The following DNAJC12 variants were observed in gnomAD, a reference collection of about 807,000 sequenced individuals.
The protein encoded by DNAJC12 is DnaJ heat shock protein family (Hsp40) member C12, also known as dnaJ homolog subfamily C member 12.
In DNAJC12, 25 loss-of-function variants were observed where a neutral mutation model predicts 28.5. The ratio of observed to expected loss-of-function variants is 0.88; its 90% confidence interval spans 0.64 to 1.22. DNAJC12 has a LOEUF of 1.22. Ranked by LOEUF, DNAJC12 falls within the 50% of genes most tolerant of loss-of-function variation. The probability of loss-of-function intolerance (pLI) is 0.00; values close to 1 mark genes in which losing one functional copy is unlikely to be tolerated. For synonymous variants in DNAJC12, 77 were observed against 80.6 expected, an observed-to-expected ratio of 0.95 and a Z score of 0.24; for missense variants, 222 against 231.7, an observed-to-expected ratio of 0.96 and a Z score of 0.27.
chr10:67,823,163 C>T (rs1841996679), intron 2 of DNAJC12, 151 bp downstream of exon 2: 2 of 637,480 alleles, frequency 3.1e-6, no homozygotes. Context: ...CTGCACAGCC[C>T]TCTCCCTTTC....
rs1206734292 is a variant in DNAJC12 at position 67,811,526 on chromosome 10, T to C, written c.295A>G (p.Thr99Ala). The C allele has an allele frequency of 2.5e-6, 4 of 1,613,952 alleles. No individual in the cohort carries two copies. The highest frequency in any genetic ancestry group is 3.4e-6 in the Non-Finnish European group (4 of 1,179,996). ...QWEALNDSVK[T>A]SMHWVVRGKK... is the part of the protein sequence containing the mutation. ...GTCGCACCCAGCGAGAAACCCACCG[T>C]CTTCACTGAGTCATTCAAAGCTTCC... Residue 99 changes from threonine to alanine, a missense_variant and splice_region_variant, in exon 3 of 5, where the codon ACG becomes GCG. By Grantham distance (58) the Thr-to-Ala change is moderately conservative. Coordinates refer to ENST00000225171, the MANE Select transcript of DNAJC12 (RefSeq NM_021800.3).
intron 2 of DNAJC12, among the ~76,000 whole-genome samples, chr10:67,822,495 G>A (rs193056231): frequency 4.6e-5 from 7 of 152,098 alleles, no homozygotes; most frequent in African/African-American, 7.2e-5. Context: ...CTTCCTTTTC[G>A]GGAAGTCTGG....
chr10:67,826,851 ATATTATATC>A lies in DNAJC12; in HGVS notation c.79-3468_79-3460del, dbSNP rs1459997479. Among the ~76,000 whole-genome samples, 245 of 132,316 alleles carry A rather than the reference ATATTATATC, an allele frequency of 1.9e-3. 3 individuals are homozygous for A. Among genetic ancestry groups the A allele is most frequent in the African/African-American group, 5.2e-3 (175 of 33,810 alleles). 86.8% of individuals were successfully genotyped at this position (132,316 alleles called of 152,430 possible). The stretch of plus-strand genomic sequence containing the variant: ...TCATATATAAGATATCTAATGATAT[ATATTATATC>A]TATTATATCTATTATATATGTCTAA... On this transcript the variant is annotated intron_variant, in intron 1 of 4. Coordinates refer to ENST00000225171, the MANE Select transcript of DNAJC12 (RefSeq NM_021800.3).
At chr10:67,810,528 C>G (rs1841848697) in intron 3 of DNAJC12, among the ~76,000 whole-genome samples, 1 of 152,080 alleles carries the variant, frequency 6.6e-6, no homozygotes, top group African/African-American at 2.4e-5. Context: ...TGTTCCCAAA[C>G]AATGCTTTTC....
intron 2 of DNAJC12, among the ~76,000 whole-genome samples, chr10:67,819,160 C>T (rs1011078145): frequency 1.3e-5 from 2 of 151,770 alleles, no homozygotes; most frequent in African/African-American, 2.4e-5. Context: ...GGTGAAACCC[C>T]GTCTCTAGTA....
intron 1 of DNAJC12, chr10:67,825,650 C>T (rs1187331300): frequency 5.5e-4 from 1 of 1,804 alleles, no homozygotes; most frequent in African/African-American, 6.4e-4. Context: ...ATTTACTAAC[C>T]ACTAATTATC....
chr10:67,819,863 T>C (rs1221322992), intron 2 of DNAJC12, among the ~76,000 whole-genome samples: 1 of 151,328 alleles, frequency 6.6e-6, no homozygotes, highest in Admixed American at 6.6e-5. Context: ...AGAATAGGTG[T>C]CCTCTTCAGT....
chr10:67,821,591 T>C (rs943073861), intron 2 of DNAJC12, among the ~76,000 whole-genome samples: 3 of 152,198 alleles, frequency 2.0e-5, no homozygotes, highest in Non-Finnish European at 4.4e-5. Flanking sequence ...GAGATTTCAA[T>C]TGCACTGGTA....
chr10:67,799,814 C>T (rs1214093408), intron 4 of DNAJC12, among the ~76,000 whole-genome samples: 4 of 147,216 alleles, frequency 2.7e-5, no homozygotes, highest in African/African-American at 7.5e-5. Flanking sequence ...ACCCAGGAGG[C>T]GGAGGTTGCA....
intron 2 of DNAJC12, among the ~76,000 whole-genome samples, chr10:67,814,312 A>T (rs937276298): frequency 1.3e-5 from 2 of 152,150 alleles, no homozygotes; most frequent in Admixed American, 1.3e-4. Context: ...TCAATATATA[A>T]AAAGCATGAA....
At chr10:67,808,436 A>C (rs1841824889) in intron 3 of DNAJC12, 1 of 152,170 alleles carries the variant, frequency 6.6e-6, no homozygotes, top group African/African-American at 2.4e-5. Context: ...TTCTTGAACG[A>C]GTTGGTTTTT....
chr10:67,801,886 G>A (rs1213508753), intron 4 of DNAJC12, among the ~76,000 whole-genome samples: 4 of 115,924 alleles, frequency 3.5e-5, no homozygotes, highest in African/African-American at 1.4e-4. Context: ...CGGAGACACA[G>A]GGTCTTGCTC....
chr10:67,830,464 T>C (rs1326586862), intron 1 of DNAJC12, among the ~76,000 whole-genome samples: 1 of 150,188 alleles, frequency 6.7e-6, no homozygotes, highest in African/African-American at 2.5e-5. Flanking sequence ...AAAAATTAGC[T>C]GGGCGTGGTG....
intron 1 of DNAJC12, chr10:67,833,868 G>A (rs74145804): frequency 0.01 from 4,950 of 484,638 alleles, 197 homozygotes; most frequent in African/African-American, 0.088. Context: ...AGTAAAGCAA[G>A]TTTTTCAAAG....
chr10:67,813,666 G>A (rs574723913), intron 2 of DNAJC12, among the ~76,000 whole-genome samples: 2 of 151,288 alleles, frequency 1.3e-5, no homozygotes, highest in South Asian at 4.2e-4. Flanking sequence ...GCTGAGGCAG[G>A]AGAATCACTT....
intron 2 of DNAJC12, 92 bp downstream of exon 2, chr10:67,823,222 G>A: frequency 9.8e-7 from 1 of 1,025,400 alleles, no homozygotes; most frequent in Non-Finnish European, 1.5e-6. Flanking sequence ...TAATAGACAA[G>A]AGAAAATTGA....
intron 1 of DNAJC12, among the ~76,000 whole-genome samples, chr10:67,826,766 CTAATGATA>C (rs1842037533): frequency 1.3e-5 from 1 of 75,156 alleles, no homozygotes; most frequent in Non-Finnish European, 2.8e-5. Flanking sequence ...TATCTGATAT[CTAATGATA>C]TATAATATAT....
intron 1 of DNAJC12, among the ~76,000 whole-genome samples, chr10:67,828,689 T>TAC (rs1842061978): frequency 1.3e-5 from 2 of 151,928 alleles, no homozygotes; most frequent in Non-Finnish European, 2.9e-5. Context: ...TATATATATA[T>TAC]ACACACATAT....
rs1326860966 is a variant in DNAJC12, at chr10:67,823,296, C to T, written c.157+18G>A. 1 of 1,609,478 alleles carries T rather than the reference C, an allele frequency of 6.2e-7. No homozygotes were observed. Among genetic ancestry groups the T allele is most frequent in the South Asian group, 1.1e-5 (1 of 90,880 alleles). ...TACTACTCATTTTCTTGAGAAGTAG[C>T]CTTTATTAAGTTCTTACCAGCTTTG... is the stretch of plus-strand genomic sequence containing the variant. On this transcript the variant is annotated intron_variant, in intron 2 of 4. Coordinates refer to ENST00000225171, the MANE Select transcript of DNAJC12 (RefSeq NM_021800.3).
Sources: allele counts gnomAD v4.1 joint callset (sites outside exome capture counted in the v4.1 genomes callset), GRCh38; gene constraint gnomAD v4.1.1; transcripts MANE v1.5; gene names NCBI Gene and HGNC (gene_info 2026-07-23, HGNC 2026-07-21).